The following LINGO2 variants were observed in gnomAD, a reference collection of about 807,000 sequenced individuals.
LINGO2 encodes the protein leucine rich repeat and Ig domain containing 2.
LINGO2 carries 14 observed loss-of-function variants against 30.6 expected under a neutral mutation model. That is an observed-to-expected ratio of 0.46 (90% CI 0.30 to 0.72). The LOEUF is 0.72. Among genes scored for constraint, LINGO2 ranks in the 30% least tolerant of loss-of-function variants. LINGO2 has a pLI of 0.07. For missense variants in LINGO2, 729 were observed against 751.7 expected, an observed-to-expected ratio of 0.97 and a Z score of 0.35; for synonymous variants, 317 against 288.5, an observed-to-expected ratio of 1.10 and a Z score of -1.00.
At chr9:28,490,173 G>A (rs893412602) in intron 1 of LINGO2, among the ~76,000 whole-genome samples, 2 of 152,044 alleles carry the variant, frequency 1.3e-5, no homozygotes, top group African/African-American at 2.4e-5. Flanking sequence ...TAGAGTTAGG[G>A]GAGCAGGCCC....
intron 4 of LINGO2, among the ~76,000 whole-genome samples, chr9:28,061,751 GTAAC>G (rs1405897044): frequency 6.6e-6 from 1 of 151,970 alleles, no homozygotes; most frequent in Non-Finnish European, 1.5e-5. Context: ...AGAAATGACA[GTAAC>G]GCAAAATAGC....
At chr9:28,470,172 A>AT (rs763270561) in intron 2 of LINGO2, among the ~76,000 whole-genome samples, 3 of 152,182 alleles carry the variant, frequency 2.0e-5, no homozygotes, top group Non-Finnish European at 4.4e-5. Flanking sequence ...GATGTTGGTG[A>AT]TAGCTATACA....
At chr9:28,754,921 A>C in the LINGO2 span, among the ~76,000 whole-genome samples, 1 of 151,882 alleles carries the variant, frequency 6.6e-6, no homozygotes, top group African/African-American at 2.4e-5. Flanking sequence ...ATAAGCCACC[A>C]CGCCCAGCCT....
intron 4 of LINGO2, among the ~76,000 whole-genome samples, chr9:28,124,352 T>G (rs1827181847): frequency 6.6e-6 from 1 of 152,232 alleles, no homozygotes; most frequent in South Asian, 2.1e-4. Context: ...AGGACTAAAC[T>G]ACTTCTCTTT....
intron 2 of LINGO2, among the ~76,000 whole-genome samples, chr9:28,441,227 A>G (rs1437397979): frequency 7.9e-6 from 1 of 125,992 alleles, no homozygotes; most frequent in African/African-American, 3.0e-5. Flanking sequence ...AGTCACAAGT[A>G]TAGCAGTATA....
At chr9:29,087,611 A>G in the LINGO2 span, among the ~76,000 whole-genome samples, 1 of 152,152 alleles carries the variant, frequency 6.6e-6, no homozygotes, top group African/African-American at 2.4e-5. Flanking sequence ...ATAGACCTCT[A>G]TACCAAATGT....
At chr9:29,073,876 T>C in the LINGO2 span, among the ~76,000 whole-genome samples, 10 of 152,204 alleles carry the variant, frequency 6.6e-5, no homozygotes. Flanking sequence ...CCTCAATCAT[T>C]GTGACTATTT....
the LINGO2 span, among the ~76,000 whole-genome samples, chr9:28,743,858 C>T: frequency 2.0e-5 from 3 of 151,698 alleles, no homozygotes; most frequent in Admixed American, 2.0e-4. Context: ...TAAGATTTTT[C>T]ATCAAATTTG....
the LINGO2 span, among the ~76,000 whole-genome samples, chr9:28,913,361 A>C: frequency 3.3e-5 from 5 of 152,124 alleles, no homozygotes; most frequent in South Asian, 4.1e-4. Flanking sequence ...AGGGAAACTA[A>C]GGCAAAAGCA....
the LINGO2 span, among the ~76,000 whole-genome samples, chr9:28,812,809 T>C: frequency 6.6e-6 from 1 of 152,108 alleles, no homozygotes; most frequent in African/African-American, 2.4e-5. Flanking sequence ...CTGTTACATT[T>C]GGAGGCAAAA....
chr9:28,181,932 T>C (rs1231118737), intron 4 of LINGO2, among the ~76,000 whole-genome samples: 1 of 152,068 alleles, frequency 6.6e-6, no homozygotes, highest in African/African-American at 2.4e-5. Flanking sequence ...AAACTACCAT[T>C]GACATTCTTC....
intron 5 of LINGO2, among the ~76,000 whole-genome samples, chr9:27,968,741 C>T (rs1186868734): frequency 6.6e-6 from 1 of 151,806 alleles, no homozygotes; most frequent in Non-Finnish European, 1.5e-5. Flanking sequence ...AGATAACTTG[C>T]TATATCTTTA....
At chr9:29,154,554 G>C in the LINGO2 span, among the ~76,000 whole-genome samples, 4 of 151,838 alleles carry the variant, frequency 2.6e-5, no homozygotes, top group Non-Finnish European at 5.9e-5. Flanking sequence ...TATACTAAAA[G>C]TAGGATGCCA....
chr9:28,212,341 C>T (rs1294203658), intron 4 of LINGO2, among the ~76,000 whole-genome samples: 1 of 151,242 alleles, frequency 6.6e-6, no homozygotes, highest in Non-Finnish European at 1.5e-5. Context: ...AATATTTTGT[C>T]TAAGTTAGCA....
intron 3 of LINGO2, among the ~76,000 whole-genome samples, chr9:28,355,243 GTCTCTC>G (rs745669606): frequency 2.5e-4 from 27 of 108,772 alleles, no homozygotes; most frequent in African/African-American, 5.7e-4. Context: ...ATCTCTCTCT[GTCTCTC>G]TCTCTGTCTC....
chr9:28,651,706 T>C (rs1828110470), intron 1 of LINGO2, among the ~76,000 whole-genome samples: 1 of 152,168 alleles, frequency 6.6e-6, no homozygotes, highest in Non-Finnish European at 1.5e-5. Context: ...GCATCATTTT[T>C]CTATTCTAAC....
the LINGO2 span, among the ~76,000 whole-genome samples, chr9:28,806,309 A>G: frequency 6.6e-6 from 1 of 152,234 alleles, no homozygotes; most frequent in Non-Finnish European, 1.5e-5. Context: ...TGAATCACAC[A>G]TATGAGAAAA....
the LINGO2 span, among the ~76,000 whole-genome samples, chr9:28,890,712 G>C: frequency 6.6e-6 from 1 of 151,982 alleles, no homozygotes; most frequent in African/African-American, 2.4e-5. Context: ...TGCTATAAAG[G>C]TTATTTGCTG....
chr9:28,941,675 C>T, the LINGO2 span, among the ~76,000 whole-genome samples: 1 of 152,270 alleles, frequency 6.6e-6, no homozygotes, highest in African/African-American at 2.4e-5. Context: ...TATTTTTACA[C>T]TCCCATACCT....
Sources: allele counts gnomAD v4.1 joint callset (sites outside exome capture counted in the v4.1 genomes callset), GRCh38; gene constraint gnomAD v4.1.1; transcripts MANE v1.5; gene names NCBI Gene and HGNC (gene_info 2026-07-23, HGNC 2026-07-21).